Variants in RASA1 observed in about 807,000 individuals in gnomAD.
RASA1 encodes ras GTPase-activating protein 1.
Under a neutral mutation model 132.2 loss-of-function variants are expected in RASA1, and 25 were observed. The observed-to-expected ratio is 0.19, with a 90% CI of 0.14 to 0.26. The LOEUF (loss-of-function observed/expected upper bound fraction) is 0.26, where lower values mean the gene tolerates loss of function less well. Ranked by LOEUF, RASA1 falls within the 10% of genes least tolerant of loss-of-function variation. RASA1 has a pLI of 1.00. For synonymous variants in RASA1, 477 were observed against 449.9 expected, an observed-to-expected ratio of 1.06 and a Z score of -0.76; for missense variants, 964 against 1,299.2, an observed-to-expected ratio of 0.74 and a Z score of 3.97.
At position 87,313,727 on chromosome 5, in the gene RASA1, A is replaced by G. The variant is rs181011950; in HGVS notation, c.540-17621A>G. On this transcript the variant is annotated intron_variant, in intron 1 of 24. Transcript: ENST00000274376. ...AAAAAAGTCTAAGAAATCAGCTGAC[A>G]TCATGGTAGACGATTAATTATGACC... Among the ~76,000 whole-genome samples, 3 of 152,366 alleles carry G rather than the reference A, an allele frequency of 2.0e-5. No individual in the cohort carries two copies. In the East Asian group the frequency reaches 5.8e-4, roughly 29 times the overall value.
At chr5:87,348,120 A>G (rs1288706785) in intron 7 of RASA1, among the ~76,000 whole-genome samples, 1 of 152,030 alleles carries the variant, frequency 6.6e-6, no homozygotes, top group Non-Finnish European at 1.5e-5. Flanking sequence ...TGTTGTATCA[A>G]CTTAGAAACA....
chr5:87,351,180 T>A (rs868772718), intron 8 of RASA1, among the ~76,000 whole-genome samples: 39 of 145,626 alleles, frequency 2.7e-4, no homozygotes, highest in East Asian at 5.9e-4. Flanking sequence ...TTCAGAGTTT[T>A]AAAAAAAAAA....
At chr5:87,283,448 A>G (rs1754409532) in intron 1 of RASA1, among the ~76,000 whole-genome samples, 1 of 151,948 alleles carries the variant, frequency 6.6e-6, no homozygotes, top group African/African-American at 2.4e-5. Context: ...GATAATTTTT[A>G]AATAATCACT....
chr5:87,375,716 T>C (rs982270360), intron 15 of RASA1, among the ~76,000 whole-genome samples: 2 of 152,166 alleles, frequency 1.3e-5, no homozygotes, highest in African/African-American at 4.8e-5. Context: ...CTAAAACAGT[T>C]GACAGTGAGA....
intron 23 of RASA1, 49 bp from the exon 24 acceptor site, chr5:87,389,344 A>G (rs1189316911): frequency 1.2e-6 from 2 of 1,611,146 alleles, no homozygotes; most frequent in Non-Finnish European, 1.7e-6. Flanking sequence ...AAAAAACAAA[A>G]AAAAAGAAGA....
At chr5:87,385,792 T>A (rs1391700502) in intron 22 of RASA1, among the ~76,000 whole-genome samples, 1 of 152,084 alleles carries the variant, frequency 6.6e-6, no homozygotes, top group Non-Finnish European at 1.5e-5. Context: ...TGATATTCAG[T>A]TGGGATCATA....
intron 1 of RASA1, among the ~76,000 whole-genome samples, chr5:87,278,493 C>T (rs1354360534): frequency 6.6e-5 from 10 of 151,958 alleles, no homozygotes; most frequent in African/African-American, 2.4e-4. Context: ...TTGCAGTGAG[C>T]CGAGATCATG....
chr5:87,277,739 T>C (rs1754130654), intron 1 of RASA1, among the ~76,000 whole-genome samples: 1 of 152,166 alleles, frequency 6.6e-6, no homozygotes. Context: ...GCATGTCTGC[T>C]GCTTGAGAAA....
intron 1 of RASA1, among the ~76,000 whole-genome samples, chr5:87,320,058 G>C (rs774164191): frequency 1.9e-4 from 29 of 152,144 alleles, no homozygotes; most frequent in Non-Finnish European, 3.1e-4. Flanking sequence ...TAGGGCAGGG[G>C]CACAATGCTG....
chr5:87,324,131 T>C (rs1251395598), intron 1 of RASA1, among the ~76,000 whole-genome samples: 1 of 152,214 alleles, frequency 6.6e-6, no homozygotes, highest in Non-Finnish European at 1.5e-5. Context: ...ATGTGCTGAA[T>C]GGTATGATAC....
chr5:87,333,674 C>T (rs1419653506), intron 4 of RASA1, among the ~76,000 whole-genome samples: 2 of 152,106 alleles, frequency 1.3e-5, no homozygotes, highest in Non-Finnish European at 2.9e-5. Flanking sequence ...AAAGGATAAG[C>T]TTCTACTTTA....
chr5:87,287,347 C>T (rs1477635781), intron 1 of RASA1, among the ~76,000 whole-genome samples: 1 of 141,606 alleles, frequency 7.1e-6, no homozygotes, highest in Non-Finnish European at 1.5e-5. Context: ...CATATATATA[C>T]CATATATACA....
At chr5:87,316,177 C>T (rs906981151) in intron 1 of RASA1, among the ~76,000 whole-genome samples, 10 of 152,102 alleles carry the variant, frequency 6.6e-5, no homozygotes, top group South Asian at 4.1e-4. Context: ...GCAAATATGA[C>T]GAATGGTTAG....
At chr5:87,359,886 G>C (rs1293543307) in intron 9 of RASA1, among the ~76,000 whole-genome samples, 1 of 152,174 alleles carries the variant, frequency 6.6e-6, no homozygotes, top group Non-Finnish European at 1.5e-5. Flanking sequence ...TTACGTACCT[G>C]AAATGGACAG....
chr5:87,356,823 G>A (rs1283905183), intron 9 of RASA1, among the ~76,000 whole-genome samples: 8 of 152,138 alleles, frequency 5.3e-5, no homozygotes, highest in South Asian at 2.1e-4. Context: ...TGGCTTTATT[G>A]TGGTGGTCTG....
At position 87,379,740 on chromosome 5, in the gene RASA1, T is replaced by A; in HGVS notation, c.2493T>A (p.Ser831Arg). The A allele has an allele frequency of 6.2e-7, 1 of 1,612,058 alleles. No individual in the cohort carries two copies. The highest frequency in any genetic ancestry group is 8.5e-7 in the Non-Finnish European group (1 of 1,178,822). Residue 831 changes from serine to arginine, a missense_variant, in exon 19 of 25, where the codon AGT becomes AGA. Physicochemically the swap from Ser to Arg is moderately radical, Grantham distance 110 (BLOSUM62 -1). This residue lies in a region of RASA1 where 346 missense variants were observed against 520.1 expected (regional missense o/e 0.67). Coordinates refer to ENST00000274376, the MANE Select transcript of RASA1 (RefSeq NM_002890.3). ...IMESKQSCEL[S>R]PSKLEKNEDV... ...TGATTTATTCCTTCTTTTAGTTAAG[T>A]CCATCAAAGTTAGAAAAAAATGAAG...
chr5:87,308,489 A>G (rs372463015), intron 1 of RASA1, among the ~76,000 whole-genome samples: 6 of 152,044 alleles, frequency 3.9e-5, no homozygotes, highest in Middle Eastern at 3.2e-3. Context: ...TGCTGCAAGT[A>G]ATGTGACAAG....
At chr5:87,285,027 T>C (rs1160774265) in intron 1 of RASA1, among the ~76,000 whole-genome samples, 2 of 149,658 alleles carry the variant, frequency 1.3e-5, no homozygotes, top group East Asian at 2.0e-4. Context: ...GCGGAGATAA[T>C]GGTACCATTT....
intron 1 of RASA1, among the ~76,000 whole-genome samples, chr5:87,297,264 T>G (rs907632728): frequency 2.0e-5 from 3 of 152,252 alleles, no homozygotes; most frequent in Non-Finnish European, 4.4e-5. Flanking sequence ...CATGTCTGTT[T>G]TTGATACTTG....
Sources: gnomAD v4.1 joint callset for allele counts (sites outside exome capture counted in the v4.1 genomes callset) on GRCh38, gnomAD v4.1.1 for gene constraint, gnomAD v4.1.1 regional missense constraint, MANE v1.5 for transcripts, NCBI Gene and HGNC (gene_info 2026-07-23, HGNC 2026-07-21) for gene names.